Variants in TF observed in about 807,000 individuals in gnomAD.
TF encodes the protein transferrin, also known as serotransferrin.
In TF, 55 loss-of-function variants were observed where a neutral mutation model predicts 82.4. The ratio of observed to expected loss-of-function variants is 0.67; its 90% CI spans 0.54 to 0.84. The LOEUF is 0.84. Ranked by LOEUF, TF falls within the 40% of genes least tolerant of loss-of-function variation. The probability of loss-of-function intolerance (pLI) is 0.00; values close to 1 mark genes in which losing one functional copy is unlikely to be tolerated. For missense variants in TF, 737 were observed against 868.4 expected, an observed-to-expected ratio of 0.85 and a Z score of 1.90; for synonymous variants, 332 against 332.6, an observed-to-expected ratio of 1.00 and a Z score of 0.02.
At chr3:133,743,369 G>T (rs764091362), upstream of TF, among the ~76,000 whole-genome samples, 28 of 152,120 alleles carry the variant, frequency 1.8e-4, no homozygotes, top group Admixed American at 5.2e-4. Context: ...CCCTGTGCTG[G>T]CAAAGCCCTG....
the TF span, among the ~76,000 whole-genome samples, chr3:133,722,391 G>A: frequency 6.6e-6 from 1 of 152,018 alleles, no homozygotes; most frequent in African/African-American, 2.4e-5. Context: ...ATTTGAGAAT[G>A]TAACCCATTT....
At chr3:133,686,504 A>C in the TF span, among the ~76,000 whole-genome samples, 2 of 152,242 alleles carry the variant, frequency 1.3e-5, no homozygotes, top group Non-Finnish European at 2.9e-5. Context: ...ATTTACAAGA[A>C]AAAATCAAAC....
chr3:133,667,018 A>T, the TF span, among the ~76,000 whole-genome samples: 1 of 151,662 alleles, frequency 6.6e-6, no homozygotes, highest in Non-Finnish European at 1.5e-5. Context: ...CCTGGGCAGC[A>T]GAGCGAGACA....
At chr3:133,758,310 T>C (rs1193887804) in intron 8 of TF, among the ~76,000 whole-genome samples, 2 of 152,236 alleles carry the variant, frequency 1.3e-5, no homozygotes, top group East Asian at 3.8e-4. Flanking sequence ...ACATGTACCA[T>C]AATGAAGAGG....
At chr3:133,676,917 CCTT>C in the TF span, among the ~76,000 whole-genome samples, 1 of 152,250 alleles carries the variant, frequency 6.6e-6, no homozygotes. Context: ...CATCTTCCCT[CCTT>C]CTTGGCTGCT....
At chr3:133,715,927 T>C in the TF span, among the ~76,000 whole-genome samples, 1 of 152,296 alleles carries the variant, frequency 6.6e-6, no homozygotes, top group African/African-American at 2.4e-5. Flanking sequence ...GGAATCAGCT[T>C]ACACACTCTT....
intron 13 of TF, 38 bp from the exon 14 acceptor site, chr3:133,770,470 C>T (rs370485713): frequency 5.1e-5 from 82 of 1,608,544 alleles, no homozygotes; most frequent in Middle Eastern, 3.3e-4. Flanking sequence ...TCACTCTGAC[C>T]GCCTTTTTTT....
Position 133,775,578 on chromosome 3 carries a change from TA to T in TF, c.1835del (p.Lys612ArgfsTer20), listed in dbSNP as rs1934368381. ...ATCACGCTGTGGTCACACGGAAAGATAAGGAAGCTTGCGTCCACAAGATATT... is the reference window on the plus strand; with the variant it reads ...ATCACGCTGTGGTCACACGGAAAGATAGGAAGCTTGCGTCCACAAGATATT... ...PNHAVVTRKD[K>X]EACVHKILRQ... On this transcript the variant is annotated frameshift_variant, in exon 15 of 17. Coordinates refer to ENST00000402696, the MANE Select transcript of TF (RefSeq NM_001063.4). LOFTEE classifies it high-confidence loss of function. 1 of 1,614,060 alleles carries T rather than the reference TA, an allele frequency of 6.2e-7. No individual in the cohort carries two copies. The highest frequency in any genetic ancestry group is 8.5e-7 in the Non-Finnish European group (1 of 1,180,030).
rs1327968345 is a variant in TF at position 133,793,373 on chromosome 3, T to G, written c.*14753T>G. 2 of 152,146 alleles carry G rather than the reference T, an allele frequency of 1.3e-5. No individual in the cohort carries two copies. 9.4% of individuals were successfully genotyped at this position (152,146 alleles called of 1,614,324 possible). On this transcript the variant is annotated 3_prime_UTR_variant, in exon 17 of 17. Transcript: ENST00000402696. ...TTAATAGGCTTCCCAAAATCAAATT[T>G]CAGCTTCAAAATTGTCTTTTCTAAC...
At chr3:133,777,460 A>G in intron 16 of TF, 1 of 557,316 alleles carries the variant, frequency 1.8e-6, no homozygotes, top group Non-Finnish European at 3.2e-6. Flanking sequence ...TAGTGAACTT[A>G]TTGGGTATAG....
chr3:133,754,504 C>T lies in TF; in HGVS notation c.335C>T (p.Thr112Ile). The change falls in exon 4 of 17, where the codon ACT becomes ATT. Residue 112 changes from threonine (T) to isoleucine (I), a missense_variant. Physicochemically the swap from Thr to Ile is moderately conservative, Grantham distance 89. Transcript: ENST00000402696. Reference protein sequence around the residue: ...EFYGSKEDPQTFYYAVAVVKK... With the variant: ...EFYGSKEDPQIFYYAVAVVKK... ...CACTGTGCCTTTGCAGATCCACAGA[C>T]TTTCTATTATGCTGTTGCTGTGGTG... is the stretch of plus-strand genomic sequence containing the variant. The T allele has an allele frequency of 1.9e-6, 3 of 1,614,184 alleles. No homozygotes were observed. Among genetic ancestry groups the T allele is most frequent in the Non-Finnish European group, 2.5e-6 (3 of 1,180,024 alleles).
the TF span, among the ~76,000 whole-genome samples, chr3:133,734,575 A>G: frequency 6.6e-6 from 1 of 152,222 alleles, no homozygotes; most frequent in Non-Finnish European, 1.5e-5. Flanking sequence ...AAGTCATAGA[A>G]AAAACTAAAC....
the TF span, among the ~76,000 whole-genome samples, chr3:133,674,049 A>G: frequency 2.0e-5 from 3 of 152,074 alleles, no homozygotes; most frequent in Non-Finnish European, 4.4e-5. Context: ...CATTCTCTCG[A>G]TGGAGACCCA....
chr3:133,703,443 A>C, the TF span, among the ~76,000 whole-genome samples: 1 of 152,206 alleles, frequency 6.6e-6, no homozygotes, highest in Admixed American at 6.5e-5. Flanking sequence ...GCCGCTGTTG[A>C]TTGGACAAAT....
At chr3:133,670,069 A>G in the TF span, among the ~76,000 whole-genome samples, 1 of 152,346 alleles carries the variant, frequency 6.6e-6, no homozygotes, top group African/African-American at 2.4e-5. Context: ...GGAAAGTGTG[A>G]AATTGCTCCA....
the TF span, among the ~76,000 whole-genome samples, chr3:133,711,175 G>A: frequency 7.2e-5 from 11 of 152,194 alleles, no homozygotes; most frequent in African/African-American, 7.2e-5. Context: ...CAATCTCAAC[G>A]GAATCCCCAA....
chr3:133,729,199 G>T, the TF span, among the ~76,000 whole-genome samples: 1 of 152,180 alleles, frequency 6.6e-6, no homozygotes, highest in African/African-American at 2.4e-5. Flanking sequence ...TGTCAGACAG[G>T]GACATTGAAG....
the TF span, among the ~76,000 whole-genome samples, chr3:133,730,845 A>G: frequency 6.6e-6 from 1 of 152,194 alleles, no homozygotes; most frequent in Non-Finnish European, 1.5e-5. Context: ...CCTGAGTGGT[A>G]GAAGTGTAGG....
rs911024989 is a variant in TF, at chr3:133,778,746, A to C, written c.*126A>C. The C allele has an allele frequency of 1.2e-6, 1 of 868,318 alleles. No individual in the cohort carries two copies. The highest frequency in any genetic ancestry group is 3.0e-4 in the Middle Eastern group (1 of 3,324). The allele number at this position is 868,318 out of a possible 1,614,324, so 53.8% of individuals were successfully genotyped here. A position where few individuals can be genotyped will look rare whatever the true frequency, so the allele number is the denominator to read the frequency against. On this transcript the variant is annotated 3_prime_UTR_variant, in exon 17 of 17. Coordinates refer to ENST00000402696, the MANE Select transcript of TF (RefSeq NM_001063.4). Reference sequence around the variant, plus strand: ...TCTGTCTTCACAGCTCTGTGTTGCCATGTGTGCTGAACAAAAAATAAAAAT... The same window carrying C: ...TCTGTCTTCACAGCTCTGTGTTGCCCTGTGTGCTGAACAAAAAATAAAAAT...
Sources: gnomAD v4.1 joint callset for allele counts (sites outside exome capture counted in the v4.1 genomes callset) on GRCh38, gnomAD v4.1.1 for gene constraint, MANE v1.5 for transcripts, NCBI Gene and HGNC (gene_info 2026-07-23, HGNC 2026-07-21) for gene names.